Variants in PTPRD observed in about 807,000 individuals in gnomAD.
The protein encoded by PTPRD is receptor-type tyrosine-protein phosphatase delta.
PTPRD carries 34 observed loss-of-function variants against 214.5 expected under a neutral mutation model. The ratio of observed to expected loss-of-function variants is 0.16; its 90% confidence interval spans 0.12 to 0.21. PTPRD has a LOEUF of 0.21. Among genes scored for constraint, PTPRD ranks in the 10% least tolerant of loss-of-function variants. PTPRD has a pLI of 1.00. For synonymous variants in PTPRD, 1,128 were observed against 845.7 expected, an observed-to-expected ratio of 1.33 and a Z score of -5.79; for missense variants, 2,545 against 2,398.7, an observed-to-expected ratio of 1.06 and a Z score of -1.27.
intron 11 of PTPRD, among the ~76,000 whole-genome samples, chr9:8,750,927 A>C (rs1461557804): frequency 6.6e-6 from 1 of 151,852 alleles, no homozygotes; most frequent in Non-Finnish European, 1.5e-5. Flanking sequence ...GTCTAAAAAA[A>C]TGCAACCTCC....
intron 10 of PTPRD, among the ~76,000 whole-genome samples, chr9:9,117,265 C>G (rs1049173549): frequency 1.3e-5 from 2 of 150,408 alleles, no homozygotes; most frequent in Non-Finnish European, 2.9e-5. Flanking sequence ...AACTTATACC[C>G]AAGTAATTAA....
At chr9:10,220,831 G>A (rs2099568586) in intron 3 of PTPRD, among the ~76,000 whole-genome samples, 2 of 151,522 alleles carry the variant, frequency 1.3e-5, no homozygotes, top group Admixed American at 1.3e-4. Context: ...TTTTATAAAT[G>A]GCATTAAATT....
chr9:9,244,618 C>T (rs1320216793), intron 9 of PTPRD, among the ~76,000 whole-genome samples: 2 of 152,250 alleles, frequency 1.3e-5, no homozygotes, highest in East Asian at 3.9e-4. Context: ...CTTCCTTACA[C>T]CTTATACAAA....
chr9:9,528,138 G>C (rs113010975), intron 8 of PTPRD, among the ~76,000 whole-genome samples: 1 of 152,210 alleles, frequency 6.6e-6, no homozygotes, highest in Admixed American at 6.5e-5. Context: ...ACAGGGCAGA[G>C]TAAGAGAGAG....
At chr9:9,811,396 G>C (rs771347947) in intron 5 of PTPRD, among the ~76,000 whole-genome samples, 1 of 152,120 alleles carries the variant, frequency 6.6e-6, no homozygotes, top group Non-Finnish European at 1.5e-5. Context: ...CAAATGAGAA[G>C]TTGCTTCTTA....
At chr9:10,038,791 T>C (rs571524332) in intron 3 of PTPRD, among the ~76,000 whole-genome samples, 1 of 152,204 alleles carries the variant, frequency 6.6e-6, no homozygotes, top group South Asian at 2.1e-4. Context: ...GTTCTCTAGA[T>C]TATGGGTATA....
intron 13 of PTPRD, among the ~76,000 whole-genome samples, chr9:8,633,830 T>C (rs1265252029): frequency 2.0e-5 from 3 of 152,180 alleles, no homozygotes; most frequent in East Asian, 1.9e-4. Context: ...ACAGCACATA[T>C]ACGAATGTGG....
At chr9:9,953,356 A>G (rs574481810) in intron 4 of PTPRD, among the ~76,000 whole-genome samples, 1 of 152,172 alleles carries the variant, frequency 6.6e-6, no homozygotes, top group South Asian at 2.1e-4. Context: ...TACTGGGTAC[A>G]GTGTACACCA....
At chr9:10,074,646 G>C (rs1287369763) in intron 3 of PTPRD, among the ~76,000 whole-genome samples, 1 of 152,116 alleles carries the variant, frequency 6.6e-6, no homozygotes, top group East Asian at 1.9e-4. Context: ...AATGTCACCA[G>C]TTTTTGAGGT....
At chr9:8,819,259 CAT>C (rs2096989933) in intron 11 of PTPRD, among the ~76,000 whole-genome samples, 2 of 152,122 alleles carry the variant, frequency 1.3e-5, no homozygotes, top group African/African-American at 2.4e-5. Context: ...ATAAATAAAA[CAT>C]ATAAACTATA....
At chr9:9,810,649 T>C (rs188531694) in intron 5 of PTPRD, among the ~76,000 whole-genome samples, 11 of 152,146 alleles carry the variant, frequency 7.2e-5, no homozygotes, top group Non-Finnish European at 1.3e-4. Context: ...CTATTGCTCA[T>C]TGACAATGCA....
intron 3 of PTPRD, among the ~76,000 whole-genome samples, chr9:10,059,278 T>G (rs902582385): frequency 5.3e-5 from 8 of 152,100 alleles, no homozygotes; most frequent in African/African-American, 1.7e-4. Context: ...ATTTACAACT[T>G]CCATGTTGCG....
intron 11 of PTPRD, among the ~76,000 whole-genome samples, chr9:8,742,905 AT>A (rs1210373021): frequency 7.2e-5 from 11 of 152,196 alleles, no homozygotes; most frequent in African/African-American, 2.6e-4. Context: ...CCTAGAGACA[AT>A]TTTTGTTGTC....
intron 2 of PTPRD, among the ~76,000 whole-genome samples, chr9:10,509,375 T>A (rs1039168271): frequency 6.6e-6 from 1 of 151,494 alleles, no homozygotes; most frequent in Non-Finnish European, 1.5e-5. Context: ...CTTTGGAATC[T>A]AATCTTATGT....
At chr9:8,345,674 A>G (rs753023928) in intron 39 of PTPRD, among the ~76,000 whole-genome samples, 3 of 152,096 alleles carry the variant, frequency 2.0e-5, no homozygotes, top group Non-Finnish European at 2.9e-5. Context: ...TTGTATCATG[A>G]TCCTGTATCA....
intron 12 of PTPRD, among the ~76,000 whole-genome samples, chr9:8,705,332 G>T (rs1268646678): frequency 6.6e-6 from 1 of 152,106 alleles, no homozygotes; most frequent in Non-Finnish European, 1.5e-5. Context: ...TGATTCTCCT[G>T]CCTCAGCCTC....
chr9:10,055,210 G>C (rs1232135694), intron 3 of PTPRD, among the ~76,000 whole-genome samples: 1 of 152,032 alleles, frequency 6.6e-6, no homozygotes, highest in African/African-American at 2.4e-5. Context: ...TTTTGTTATA[G>C]AAATACATGC....
intron 4 of PTPRD, among the ~76,000 whole-genome samples, chr9:9,980,704 G>A (rs1401161479): frequency 2.6e-5 from 2 of 75,860 alleles, no homozygotes; most frequent in East Asian, 4.6e-4. Context: ...CACAGAAAGG[G>A]TGATACAGAA....
At chr9:9,027,411 G>A (rs1398061288) in intron 10 of PTPRD, among the ~76,000 whole-genome samples, 1 of 151,698 alleles carries the variant, frequency 6.6e-6, no homozygotes, top group African/African-American at 2.4e-5. Context: ...TAGTGATAAT[G>A]GAAGTTTCTA....
Sources: allele counts gnomAD v4.1 joint callset (sites outside exome capture counted in the v4.1 genomes callset), GRCh38; gene constraint gnomAD v4.1.1; transcripts MANE v1.5; gene names NCBI Gene and HGNC (gene_info 2026-07-23, HGNC 2026-07-21).